The following TCF4 variants were observed in gnomAD, a reference collection of about 807,000 sequenced individuals.
The protein encoded by TCF4 is transcription factor 4.
TCF4 carries 3 observed loss-of-function variants against 82.1 expected under a neutral mutation model. The ratio of observed to expected loss-of-function variants is 0.04; its 90% CI spans 0.02 to 0.09. The LOEUF is 0.09. Among genes scored for constraint, TCF4 ranks in the 10% least tolerant of loss-of-function variants. The pLI is 1.00. For synonymous variants in TCF4, 276 were observed against 309.6 expected, an observed-to-expected ratio of 0.89 and a Z score of 1.14; for missense variants, 518 against 852.7, an observed-to-expected ratio of 0.61 and a Z score of 4.89.
intron 8 of TCF4, chr18:55,322,067 G>A (rs1350462448): frequency 2.7e-6 from 3 of 1,093,480 alleles, no homozygotes; most frequent in Non-Finnish European, 3.3e-6. Context: ...AATTTCTGCA[G>A]TCTTCACTTT....
At chr18:55,254,466 A>AACT in intron 15 of TCF4, 31 bp downstream of exon 15, 1 of 1,582,656 alleles carries the variant, frequency 6.3e-7, no homozygotes, top group Non-Finnish European at 8.7e-7. Context: ...TCTATATGAT[A>AACT]ACTATAGAGT....
At chr18:55,270,002 A>G (rs780232999) in intron 10 of TCF4, 39 bp from the exon 11 acceptor site, 9 of 1,611,804 alleles carry the variant, frequency 5.6e-6, no homozygotes, top group Middle Eastern at 3.4e-4. Flanking sequence ...ATATTTAATC[A>G]TAAGGTATTT....
intron 8 of TCF4, among the ~76,000 whole-genome samples, chr18:55,348,315 T>G (rs1013709945): frequency 4.6e-5 from 7 of 152,160 alleles, no homozygotes; most frequent in African/African-American, 1.7e-4. Context: ...AAAATTTCAT[T>G]TTGAATTGTA....
At chr18:55,340,637 C>T (rs140671066) in intron 8 of TCF4, among the ~76,000 whole-genome samples, 1,663 of 149,918 alleles carry the variant, frequency 0.011, 45 homozygotes, top group African/African-American at 0.037. Flanking sequence ...AAGCAAGTGA[C>T]CTCTGTTAGG....
At chr18:55,557,924 T>C (rs2097318768) in intron 3 of TCF4, among the ~76,000 whole-genome samples, 1 of 152,118 alleles carries the variant, frequency 6.6e-6, no homozygotes, top group Admixed American at 6.6e-5. Flanking sequence ...ATTTAAAAAT[T>C]ACATGAGCTG....
At position 55,223,761 on chromosome 18, in the gene TCF4, A is replaced by G. The variant is rs573327839; in HGVS notation, c.*4274T>C. On this transcript the variant is annotated 3_prime_UTR_variant, in exon 20 of 20. Coordinates refer to ENST00000354452, the MANE Select transcript of TCF4 (RefSeq NM_001083962.2). Reference sequence around the variant, plus strand: ...AGTTTTTAATGCTGCAGCTATGTGTACAGTCGCAAAAAATTTCCCCGCTGC... The same window carrying G: ...AGTTTTTAATGCTGCAGCTATGTGTGCAGTCGCAAAAAATTTCCCCGCTGC... The G allele has an allele frequency of 6.9e-6, 1 of 144,412 alleles. No individual in the cohort carries two copies. Among genetic ancestry groups the G allele is most frequent in the African/African-American group, 2.6e-5 (1 of 38,796 alleles). The allele number at this position is 144,412 out of a possible 1,614,324, so 8.9% of individuals were successfully genotyped here.
chr18:55,610,016 A>C (rs2097705689), intron 2 of TCF4, among the ~76,000 whole-genome samples: 1 of 151,988 alleles, frequency 6.6e-6, no homozygotes, highest in African/African-American at 2.4e-5. Flanking sequence ...CAAAAATATA[A>C]TCTCCATGAA....
chr18:55,394,769 A>G (rs1282057382), intron 6 of TCF4, among the ~76,000 whole-genome samples: 1 of 152,202 alleles, frequency 6.6e-6, no homozygotes, highest in Non-Finnish European at 1.5e-5. Flanking sequence ...AACACGCTGA[A>G]CATGAAAGGT....
At chr18:55,378,726 C>T (rs2091341151) in intron 6 of TCF4, among the ~76,000 whole-genome samples, 1 of 152,198 alleles carries the variant, frequency 6.6e-6, no homozygotes, top group Non-Finnish European at 1.5e-5. Flanking sequence ...TTTCTCTTCT[C>T]TTACACATGG....
intron 3 of TCF4, among the ~76,000 whole-genome samples, chr18:55,506,390 G>C (rs1215751736): frequency 6.6e-6 from 1 of 152,104 alleles, no homozygotes; most frequent in East Asian, 1.9e-4. Context: ...GTCAAGTCAG[G>C]CTTTTGATAA....
At chr18:55,357,852 A>T (rs1240104717) in intron 6 of TCF4, among the ~76,000 whole-genome samples, 1 of 152,244 alleles carries the variant, frequency 6.6e-6, no homozygotes, top group Non-Finnish European at 1.5e-5. Context: ...TCACTATAAC[A>T]AAGTGTCCCG....
chr18:55,368,585 G>A (rs1170353408), intron 6 of TCF4, among the ~76,000 whole-genome samples: 1 of 152,140 alleles, frequency 6.6e-6, no homozygotes. Flanking sequence ...GTGTCCTGTG[G>A]GCCATGGGTT....
At chr18:55,542,488 A>T (rs1438796648) in intron 3 of TCF4, among the ~76,000 whole-genome samples, 1 of 151,134 alleles carries the variant, frequency 6.6e-6, no homozygotes, top group Non-Finnish European at 1.5e-5. Context: ...GAGTCAACCA[A>T]GAAGACATGT....
At chr18:55,261,232 A>T in intron 12 of TCF4, 1 of 574,904 alleles carries the variant, frequency 1.7e-6, no homozygotes, top group East Asian at 3.0e-5. Context: ...GAATATTCCC[A>T]CATCCATAAT....
chr18:55,588,405 AAAAAAAAAAATC>A, upstream of TCF4: 1 of 1,386,842 alleles, frequency 7.2e-7, no homozygotes, highest in Non-Finnish European at 9.7e-7. Context: ...CCCGAGGGGA[AAAAAAAAAAATC>A]TCAACACCTC....
chr18:55,409,458 T>A (rs1280989916), intron 5 of TCF4, among the ~76,000 whole-genome samples: 1 of 152,160 alleles, frequency 6.6e-6, no homozygotes, highest in Non-Finnish European at 1.5e-5. Flanking sequence ...TCTTCTGCAC[T>A]GCTCTCCAGA....
At chr18:55,597,554 C>A (rs142060455) in intron 2 of TCF4, among the ~76,000 whole-genome samples, 4,511 of 152,004 alleles carry the variant, frequency 0.03, 225 homozygotes, top group African/African-American at 0.1. Flanking sequence ...GTATCCCCAG[C>A]TACTCAGGAG....
chr18:55,486,079 G>A (rs2958185), intron 3 of TCF4, among the ~76,000 whole-genome samples: 217 of 152,252 alleles, frequency 1.4e-3, no homozygotes, highest in African/African-American at 5.1e-3. Context: ...TTAGAAATAT[G>A]GGACAGAACC....
chr18:55,618,883 G>A (rs1448664215), intron 2 of TCF4, among the ~76,000 whole-genome samples: 1 of 151,848 alleles, frequency 6.6e-6, no homozygotes, highest in Non-Finnish European at 1.5e-5. Context: ...TGCCTTGCCT[G>A]ACCTCTATTC....
Sources: gnomAD v4.1 joint callset for allele counts (sites outside exome capture counted in the v4.1 genomes callset) on GRCh38, gnomAD v4.1.1 for gene constraint, MANE v1.5 for transcripts, NCBI Gene and HGNC (gene_info 2026-07-23, HGNC 2026-07-21) for gene names.